GNAQ: variants seen among roughly 807,000 people sequenced by gnomAD.
The protein encoded by GNAQ is G protein subunit alpha q.
A neutral mutation model predicts 43.9 loss-of-function variants in GNAQ; 8 were observed. The observed-to-expected ratio is 0.18, with a 90% CI of 0.11 to 0.33. GNAQ has a LOEUF of 0.33. Among genes scored for constraint, GNAQ ranks in the 10% least tolerant of loss-of-function variants. The pLI is 1.00. For synonymous variants in GNAQ, 155 were observed against 170.7 expected, an observed-to-expected ratio of 0.91 and a Z score of 0.71; for missense variants, 158 against 450.8, an observed-to-expected ratio of 0.35 and a Z score of 5.88.
At chr9:77,925,944 A>G (rs936823122) in intron 1 of GNAQ, among the ~76,000 whole-genome samples, 1 of 152,186 alleles carries the variant, frequency 6.6e-6, no homozygotes, top group East Asian at 1.9e-4. Flanking sequence ...ATAATACCTA[A>G]TACAATGTAA....
intron 2 of GNAQ, among the ~76,000 whole-genome samples, chr9:77,841,927 G>A (rs1827498340): frequency 6.6e-6 from 1 of 152,162 alleles, no homozygotes; most frequent in African/African-American, 2.4e-5. Flanking sequence ...CTGCCCAAAA[G>A]CATGGCTTCA....
At chr9:77,896,864 A>G (rs982348252) in intron 2 of GNAQ, among the ~76,000 whole-genome samples, 2 of 152,222 alleles carry the variant, frequency 1.3e-5, no homozygotes, top group African/African-American at 4.8e-5. Context: ...GACACCTTCT[A>G]GCTTCAAATA....
chr9:77,917,305 G>C (rs1345409059), intron 2 of GNAQ, among the ~76,000 whole-genome samples: 1 of 151,964 alleles, frequency 6.6e-6, no homozygotes, highest in African/African-American at 2.4e-5. Context: ...TTAATTAAGA[G>C]CTGATTTCAA....
chr9:77,780,702 A>G (rs535017892), intron 5 of GNAQ, among the ~76,000 whole-genome samples: 1 of 152,126 alleles, frequency 6.6e-6, no homozygotes, highest in East Asian at 1.9e-4. Context: ...TCTCCACAGC[A>G]GCTATATTAG....
chr9:77,765,482 G>C lies in GNAQ; in HGVS notation c.735+28981C>G, dbSNP rs147387494. On this transcript the variant is annotated intron_variant, in intron 5 of 6. Transcript: ENST00000286548. ...GGACATGAATAGACATTTCTTCAAG[G>C]AAGTTATATAAACGGCCAACGAACA... Among the ~76,000 whole-genome samples, 216 of 152,208 alleles carry C rather than the reference G, an allele frequency of 1.4e-3. 1 individual carries two copies. The highest frequency in any genetic ancestry group is 3.9e-3 in the African/African-American group (161 of 41,530).
intron 1 of GNAQ, among the ~76,000 whole-genome samples, chr9:77,963,763 A>G (rs1223408792): frequency 2.0e-5 from 3 of 152,186 alleles, no homozygotes; most frequent in African/African-American, 2.4e-5. Context: ...GGAAAGCTTC[A>G]CCACAACAAT....
intron 2 of GNAQ, among the ~76,000 whole-genome samples, chr9:77,829,268 G>A (rs1827258672): frequency 6.6e-6 from 1 of 152,142 alleles, no homozygotes; most frequent in East Asian, 1.9e-4. Context: ...TTACAGATCT[G>A]AAAATAAAAA....
At chr9:77,900,357 A>G (rs1265121134) in intron 2 of GNAQ, among the ~76,000 whole-genome samples, 3 of 152,186 alleles carry the variant, frequency 2.0e-5, no homozygotes, top group Admixed American at 2.0e-4. Flanking sequence ...TTATTGCTAA[A>G]ATGAGATTTA....
chr9:77,828,059 C>CAAAAAAAAAAA (rs71360654), intron 2 of GNAQ, among the ~76,000 whole-genome samples: 686 of 19,274 alleles, frequency 0.036, 123 homozygotes, highest in Middle Eastern at 0.25. Flanking sequence ...GACTCCTCCT[C>CAAAAAAAAAAA]AAAAAAAAAA....
intron 1 of GNAQ, among the ~76,000 whole-genome samples, chr9:77,981,608 A>T (rs1823369302): frequency 6.6e-6 from 1 of 152,182 alleles, no homozygotes; most frequent in African/African-American, 2.4e-5. Context: ...TTTGCATGCA[A>T]CCAAAAGTCC....
intron 5 of GNAQ, among the ~76,000 whole-genome samples, chr9:77,778,243 G>A (rs1462376470): frequency 2.1e-5 from 3 of 143,990 alleles, no homozygotes; most frequent in Non-Finnish European, 3.0e-5. Flanking sequence ...ACACACACAC[G>A]TATTCCTCTA....
intron 2 of GNAQ, among the ~76,000 whole-genome samples, chr9:77,909,531 T>C (rs1470341958): frequency 2.6e-5 from 4 of 152,178 alleles, no homozygotes; most frequent in East Asian, 1.9e-4. Flanking sequence ...ACCGTTATAC[T>C]TTTTACCACA....
chr9:77,885,604 A>C (rs1039835218), intron 2 of GNAQ, among the ~76,000 whole-genome samples: 1 of 152,104 alleles, frequency 6.6e-6, no homozygotes, highest in African/African-American at 2.4e-5. Context: ...CACAAAAACA[A>C]TCCTTTGCTT....
At chr9:77,741,687 T>C (rs1228406807) in intron 5 of GNAQ, among the ~76,000 whole-genome samples, 5 of 152,226 alleles carry the variant, frequency 3.3e-5, no homozygotes, top group African/African-American at 1.2e-4. Flanking sequence ...ATATCTGGCA[T>C]TTTAAACCAG....
chr9:77,891,156 T>G (rs949240224), intron 2 of GNAQ, among the ~76,000 whole-genome samples: 3 of 152,216 alleles, frequency 2.0e-5, no homozygotes, highest in Admixed American at 1.3e-4. Flanking sequence ...TTAGTTTTCC[T>G]TATTTTGATT....
At chr9:77,981,079 C>T (rs555822709) in intron 1 of GNAQ, among the ~76,000 whole-genome samples, 2 of 152,006 alleles carry the variant, frequency 1.3e-5, no homozygotes, top group East Asian at 3.9e-4. Context: ...AGATTCAGAC[C>T]CCCCATTTAA....
chr9:77,757,908 C>T (rs1825930439), intron 5 of GNAQ, among the ~76,000 whole-genome samples: 1 of 152,226 alleles, frequency 6.6e-6, no homozygotes, highest in Non-Finnish European at 1.5e-5. Flanking sequence ...ATATGAATAT[C>T]ATGCACATTT....
At chr9:77,889,410 C>CAAAAAAAAAAAAAAAAAAAAAAAAAAAAA (rs58496646) in intron 2 of GNAQ, among the ~76,000 whole-genome samples, 4 of 48,064 alleles carry the variant, frequency 8.3e-5, no homozygotes, top group Non-Finnish European at 1.4e-4. Flanking sequence ...GACCCTGTCT[C>CAAAAAAAAAAAAAAAAAAAAAAAAAAAAA]AAAAAAAAAA....
At chr9:77,996,996 C>A (rs892813769) in intron 1 of GNAQ, among the ~76,000 whole-genome samples, 4 of 152,196 alleles carry the variant, frequency 2.6e-5, no homozygotes, top group African/African-American at 9.7e-5. Flanking sequence ...ATATTCACTA[C>A]GTATTATCTC....
Sources: gnomAD v4.1 joint callset for allele counts (sites outside exome capture counted in the v4.1 genomes callset) on GRCh38, gnomAD v4.1.1 for gene constraint, MANE v1.5 for transcripts, NCBI Gene and HGNC (gene_info 2026-07-23, HGNC 2026-07-21) for gene names.